Variants in SPRED1 observed in about 807,000 individuals in gnomAD.
SPRED1 encodes the protein sprouty-related, EVH1 domain-containing protein 1.
A neutral mutation model predicts 52.3 loss-of-function variants in SPRED1; 18 were observed. The observed-to-expected ratio is 0.34, with a 90% confidence interval of 0.24 to 0.51. The LOEUF is 0.51. SPRED1 is among the 20% of genes least tolerant of loss of function. SPRED1 has a pLI of 0.97. For missense variants in SPRED1, 485 were observed against 551.0 expected (o/e 0.88, Z 1.20); for synonymous variants, 155 against 179.7 (o/e 0.86, Z 1.10).
At chr15:38,254,334 AAAC>A (rs957191692) in intron 1 of SPRED1, among the ~76,000 whole-genome samples, 38 of 152,268 alleles carry the variant, frequency 2.5e-4, no homozygotes, top group African/African-American at 8.4e-4. Flanking sequence ...GAGAAAGGCC[AAAC>A]AACATTTCCT....
chr15:38,313,333 C>T (rs184992624), intron 2 of SPRED1, among the ~76,000 whole-genome samples: 266 of 151,988 alleles, frequency 1.8e-3, no homozygotes, highest in Non-Finnish European at 3.2e-3. Flanking sequence ...GTGCCTCAGT[C>T]TTTAATGACA....
At position 38,317,026 on chromosome 15, in the gene SPRED1, A is replaced by G. The variant is rs189042062; in HGVS notation, c.208-5215A>G. The stretch of plus-strand genomic sequence containing the variant: ...TCTGATGTCTTTCCAGTTTATTAAT[A>G]TAAACTATATTTTGAGTAAAAAAGA... On this transcript the variant is annotated intron_variant, in intron 2 of 6. Transcript: ENST00000299084. Among the ~76,000 whole-genome samples, 5 of 151,850 alleles carry G rather than the reference A, an allele frequency of 3.3e-5. No homozygotes were observed. The East Asian group carries it at 9.7e-4, about 29-fold the overall frequency.
chr15:38,328,838 G>A (rs1409277569), intron 4 of SPRED1, among the ~76,000 whole-genome samples: 1 of 151,920 alleles, frequency 6.6e-6, no homozygotes, highest in East Asian at 1.9e-4. Flanking sequence ...TCCCGCATCA[G>A]CCTCCCGAGT....
rs66511254 is a variant in SPRED1 at position 38,293,099 on chromosome 15, C to CTTTTTT, written c.33-6260_33-6255dup. ...TTAAGTAATTTACCCAAGATTACAA[C>CTTTTTT]TTTTTTTTTTTTTTTTTTTGAGACG... On this transcript the variant is annotated intron_variant, in intron 1 of 6. Transcript: ENST00000299084. Among the ~76,000 whole-genome samples the CTTTTTT allele has an allele frequency of 8.8e-5, 8 of 90,724 alleles. 2 individuals carry two copies. The highest frequency in any genetic ancestry group is 1.4e-4 in the Non-Finnish European group (7 of 50,278). The allele number at this position is 90,724 out of a possible 152,430, so 59.5% of individuals were successfully genotyped here. A position where few individuals can be genotyped will look rare whatever the true frequency, so the allele number is the denominator to read the frequency against.
intron 2 of SPRED1, among the ~76,000 whole-genome samples, chr15:38,301,240 A>G (rs934381021): frequency 1.3e-5 from 2 of 152,176 alleles, no homozygotes; most frequent in African/African-American, 4.8e-5. Flanking sequence ...TAACATAAAT[A>G]AAGCTAGTAA....
At chr15:38,347,472 T>A (rs1027911808) in intron 5 of SPRED1, among the ~76,000 whole-genome samples, 1 of 149,588 alleles carries the variant, frequency 6.7e-6, no homozygotes, top group African/African-American at 2.5e-5. Context: ...TTTTTTTTTT[T>A]TTTTTTTTTT....
intron 4 of SPRED1, among the ~76,000 whole-genome samples, chr15:38,336,741 A>C (rs1267740779): frequency 6.6e-6 from 1 of 151,908 alleles, no homozygotes; most frequent in Non-Finnish European, 1.5e-5. Flanking sequence ...CTAAGCTATG[A>C]GGTCACAAAG....
In SPRED1 at chr15:38,283,074, G is replaced by C. The variant is rs377432350; in HGVS notation, c.33-16299G>C. ...TACTTGAGACTGGGTAATTATAAAA[G>C]AAAGGGATTTAGTGACTCACGGTTC... On this transcript the variant is annotated intron_variant, in intron 1 of 6. Coordinates refer to ENST00000299084, the MANE Select transcript of SPRED1 (RefSeq NM_152594.3). Among the ~76,000 whole-genome samples, 105 of 152,280 alleles carry C rather than the reference G, an allele frequency of 6.9e-4. 1 individual carries two copies. The highest frequency in any genetic ancestry group is 3.4e-3 in the Middle Eastern group (1 of 294).
chr15:38,291,344 TC>T (rs1485202067), intron 1 of SPRED1, among the ~76,000 whole-genome samples: 1 of 152,220 alleles, frequency 6.6e-6, no homozygotes, highest in Admixed American at 6.5e-5. Context: ...ATGTTGAGTG[TC>T]TGTGGCTTTT....
intron 1 of SPRED1, among the ~76,000 whole-genome samples, chr15:38,284,919 G>A (rs1894773196): frequency 6.7e-6 from 1 of 149,572 alleles, no homozygotes; most frequent in Non-Finnish European, 1.5e-5. Flanking sequence ...TCAAAGTTTT[G>A]GTGGGATCTA....
intron 5 of SPRED1, among the ~76,000 whole-genome samples, chr15:38,342,867 C>T (rs1036028279): frequency 2.6e-5 from 4 of 152,112 alleles, no homozygotes; most frequent in African/African-American, 9.6e-5. Flanking sequence ...GTTTGAAGCT[C>T]AGGGAGAGTT....
chr15:38,296,280 A>G (rs759272140), intron 1 of SPRED1, among the ~76,000 whole-genome samples: 1 of 152,200 alleles, frequency 6.6e-6, no homozygotes, highest in Non-Finnish European at 1.5e-5. Context: ...TTTGCGTTTC[A>G]GACAGTTAAA....
intron 1 of SPRED1, among the ~76,000 whole-genome samples, chr15:38,260,138 C>A (rs994307858): frequency 6.6e-6 from 1 of 152,166 alleles, no homozygotes; most frequent in Non-Finnish European, 1.5e-5. Flanking sequence ...AATTGGGTGG[C>A]TTAAAAAGCA....
rs1490759203 is a variant in SPRED1, at chr15:38,281,743, C to T, written c.33-17630C>T. Among the ~76,000 whole-genome samples, 3 of 151,900 alleles carry T rather than the reference C, an allele frequency of 2.0e-5. No individual in the cohort carries two copies. The South Asian group carries it at 6.3e-4, about 32-fold the overall frequency. ...TACACTGCTCTGTTTCTTACATTTCCACCCTTTGAGAAATGTACATTTTTG... is the reference window on the plus strand; with the variant it reads ...TACACTGCTCTGTTTCTTACATTTCTACCCTTTGAGAAATGTACATTTTTG... On this transcript the variant is annotated intron_variant, in intron 1 of 6. Transcript: ENST00000299084.
chr15:38,267,904 A>T (rs1025548408), intron 1 of SPRED1, among the ~76,000 whole-genome samples: 2 of 152,214 alleles, frequency 1.3e-5, no homozygotes, highest in African/African-American at 4.8e-5. Context: ...ACGTATGCCC[A>T]TAGGATATAC....
At chr15:38,340,827 G>A (rs1156820708) in intron 5 of SPRED1, among the ~76,000 whole-genome samples, 1 of 152,082 alleles carries the variant, frequency 6.6e-6, no homozygotes, top group Non-Finnish European at 1.5e-5. Flanking sequence ...ACTGCACCTG[G>A]CCCCTTTCTT....
intron 1 of SPRED1, among the ~76,000 whole-genome samples, chr15:38,277,158 G>T (rs187660297): frequency 2.0e-5 from 3 of 152,112 alleles, no homozygotes; most frequent in East Asian, 3.9e-4. Context: ...AAGGTTACAC[G>T]TGCAGGTTTG....
chr15:38,339,995 A>G, intron 5 of SPRED1, 100 bp downstream of exon 5: 2 of 1,453,770 alleles, frequency 1.4e-6, no homozygotes, highest in South Asian at 1.2e-5. Flanking sequence ...TTTACCAGAC[A>G]CAGTAAACAA....
At chr15:38,254,593 G>T (rs1469689764) in intron 1 of SPRED1, among the ~76,000 whole-genome samples, 1 of 152,246 alleles carries the variant, frequency 6.6e-6, no homozygotes, top group African/African-American at 2.4e-5. Context: ...ATTTGTCTGT[G>T]TGTAGATTTT....
Sources: allele counts gnomAD v4.1 joint callset (sites outside exome capture counted in the v4.1 genomes callset), GRCh38; gene constraint gnomAD v4.1.1; transcripts MANE v1.5; gene names NCBI Gene and HGNC (gene_info 2026-07-23, HGNC 2026-07-21).